MALT1: variants seen among roughly 807,000 people sequenced by gnomAD.
MALT1 encodes the protein mucosa-associated lymphoid tissue lymphoma translocation protein 1.
In MALT1, 36 loss-of-function variants were observed where a neutral mutation model predicts 85.5. That is an observed-to-expected ratio of 0.42 (90% CI 0.32 to 0.56). The LOEUF is 0.56. MALT1 is among the 20% of genes least tolerant of loss of function. The pLI is 0.10. For synonymous variants in MALT1, 359 were observed against 361.3 expected, an observed-to-expected ratio of 0.99 and a Z score of 0.07; for missense variants, 716 against 981.6, an observed-to-expected ratio of 0.73 and a Z score of 3.62.
chr18:58,673,195 G>A (rs2054192054), intron 1 of MALT1, among the ~76,000 whole-genome samples: 1 of 152,120 alleles, frequency 6.6e-6, no homozygotes, highest in Non-Finnish European at 1.5e-5. Context: ...ATTCAAAATG[G>A]TATTTATTAA....
At position 58,681,282 on chromosome 18, in the gene MALT1, G is replaced by T; in HGVS notation, c.322G>T (p.Asp108Tyr). Reference protein sequence around the residue: ...EKGCTVTELSDFLQAMEHTEV... With the variant: ...EKGCTVTELSYFLQAMEHTEV... ...AGGTTGCACAGTCACAGAATTGAGT[G>T]ATTTCCTGCAGGCTATGGAACACAC... The change falls in exon 2 of 17, where the codon GAT becomes TAT. Residue 108 changes from aspartate to tyrosine, a missense_variant. This residue lies in a region of MALT1 where 290 missense variants were observed against 380.5 expected (regional missense o/e 0.76). Coordinates refer to ENST00000649217, the MANE Select transcript of MALT1 (RefSeq NM_006785.4). 5.6e-6 allele frequency: 9 copies of T among 1,614,150 alleles called. No homozygotes were observed. The highest frequency in any genetic ancestry group is 7.6e-6 in the Non-Finnish European group (9 of 1,179,998).
At chr18:58,678,361 G>A (rs2054271516) in intron 1 of MALT1, among the ~76,000 whole-genome samples, 1 of 152,206 alleles carries the variant, frequency 6.6e-6, no homozygotes. Context: ...TTTCAGCCTT[G>A]ACAATTATGA....
At position 58,700,549 on chromosome 18, in the gene MALT1, T is replaced by C. The variant is rs2054656749; in HGVS notation, c.607T>C (p.Trp203Arg). The change falls in exon 4 of 17, where the codon TGG (tryptophan) becomes CGG (arginine). Residue 203 changes from tryptophan (W) to arginine (R), a missense_variant. Trp to Arg is a moderately radical substitution (Grantham distance 101). Around this residue, in one of 4 missense-constraint regions of MALT1, gnomAD observed 290 missense variants for 380.5 expected, o/e 0.76. Coordinates refer to ENST00000649217, the MANE Select transcript of MALT1 (RefSeq NM_006785.4). ...CAATTTCACCTTTGAATTCAGCCAG[T>C]GGTCACAGCTGGATGTTTGCGACAT... ...NNNFTFEFSQ[W>R]SQLDVCDIPE... 1 of 1,612,528 alleles carries C rather than the reference T, an allele frequency of 6.2e-7. No homozygotes were observed.
In MALT1 at chr18:58,671,624, C is replaced by T. The variant is rs1166657583; in HGVS notation, c.-20C>T. ...GGGGCGGGCGGGAGCCCCGGCAGTC[C>T]GGGGTCGCCGGCGAGGGCCATGTCG... On this transcript the variant is annotated 5_prime_UTR_variant, in exon 1 of 17. Coordinates refer to ENST00000649217, the MANE Select transcript of MALT1 (RefSeq NM_006785.4). 3.3e-6 allele frequency: 4 copies of T among 1,211,208 alleles called. No homozygotes were observed. Among genetic ancestry groups the T allele is most frequent in the South Asian group, 8.3e-5 (2 of 24,110 alleles). 75.0% of individuals were successfully genotyped at this position (1,211,208 alleles called of 1,614,324 possible).
chr18:58,715,139 T>C (rs1568141723), intron 8 of MALT1, among the ~76,000 whole-genome samples: 1 of 152,170 alleles, frequency 6.6e-6, no homozygotes, highest in Non-Finnish European at 1.5e-5. Context: ...AGTAATTGTT[T>C]CTCTTACTGG....
chr18:58,735,347 G>C lies in MALT1; in HGVS notation c.1603+18G>C, dbSNP rs1296733743. On this transcript the variant is annotated intron_variant, in intron 13 of 16. Coordinates refer to ENST00000649217, the MANE Select transcript of MALT1 (RefSeq NM_006785.4). ...TGCAGAAGGTAAAATAAAAAATAAA[G>C]AGAAAAGTACTCAGAAAAAGGAGAG... is the stretch of plus-strand genomic sequence containing the variant. The C allele has an allele frequency of 6.3e-7, 1 of 1,586,172 alleles. No homozygotes were observed. The highest frequency in any genetic ancestry group is 1.2e-5 in the South Asian group (1 of 85,442).
intron 9 of MALT1, among the ~76,000 whole-genome samples, chr18:58,722,312 T>C (rs2054996021): frequency 6.6e-6 from 1 of 152,082 alleles, no homozygotes; most frequent in South Asian, 2.1e-4. Flanking sequence ...ATACAGATCT[T>C]TTTTTCTCTT....
In MALT1 at chr18:58,749,879, G is replaced by A. The variant is rs1392690912; in HGVS notation, c.*2037G>A. The A allele has an allele frequency of 4.7e-6, 1 of 211,184 alleles. No individual in the cohort carries two copies. The highest frequency in any genetic ancestry group is 9.6e-6 in the Non-Finnish European group (1 of 104,062). 13.1% of individuals were successfully genotyped at this position (211,184 alleles called of 1,614,324 possible). A position where few individuals can be genotyped will look rare whatever the true frequency, so the allele number is the denominator to read the frequency against. ...CATGGTGATAGACTGAAGGCTGAAT[G>A]TTTTCCCCTTAAGATTGGGAAGAAG... On this transcript the variant is annotated 3_prime_UTR_variant, in exon 17 of 17. Transcript: ENST00000649217.
intron 2 of MALT1, among the ~76,000 whole-genome samples, chr18:58,687,177 A>G (rs1297938340): frequency 6.6e-6 from 1 of 152,212 alleles, no homozygotes; most frequent in African/African-American, 2.4e-5. Context: ...GAAATTGGCA[A>G]TTATTCCTAA....
At chr18:58,694,286 GC>G (rs2054556011) in intron 2 of MALT1, among the ~76,000 whole-genome samples, 1 of 152,052 alleles carries the variant, frequency 6.6e-6, no homozygotes, top group Non-Finnish European at 1.5e-5. Flanking sequence ...TTTTAATTTT[GC>G]TTTTATTTAG....
In MALT1 at chr18:58,671,599, G is replaced by T. The variant is rs1602262985; in HGVS notation, c.-45G>T. ...GTGCCCCGGGGCCGAGGCCCGTGAC[G>T]GGGCGGGCGGGAGCCCCGGCAGTCC... On this transcript the variant is annotated 5_prime_UTR_variant, in exon 1 of 17. Coordinates refer to ENST00000649217, the MANE Select transcript of MALT1 (RefSeq NM_006785.4). 8.5e-7 allele frequency: 1 copy of T among 1,181,332 alleles called. No homozygotes were observed. The highest frequency in any genetic ancestry group is 4.3e-5 in the South Asian group (1 of 23,146). 73.2% of individuals were successfully genotyped at this position (1,181,332 alleles called of 1,614,324 possible).
At chr18:58,723,972 C>T (rs987592156) in intron 10 of MALT1, among the ~76,000 whole-genome samples, 71 of 152,314 alleles carry the variant, frequency 4.7e-4, no homozygotes, top group African/African-American at 1.5e-3. Context: ...TTGAGCTCAT[C>T]TGAACCGTGT....
At chr18:58,710,851 TTTGC>T in intron 6 of MALT1, 66 bp from the exon 7 acceptor site, 1 of 1,004,836 alleles carries the variant, frequency 1.0e-6, no homozygotes, top group Non-Finnish European at 1.5e-6. Flanking sequence ...TTGATCTCTA[TTTGC>T]TTGACGGCTG....
At position 58,710,025 on chromosome 18, in the gene MALT1, A is replaced by C. The variant is rs1445398673; in HGVS notation, c.878A>C (p.Tyr293Ser). 1 of 1,612,858 alleles carries C rather than the reference A, an allele frequency of 6.2e-7. No homozygotes were observed. Among genetic ancestry groups the C allele is most frequent in the Non-Finnish European group, 8.5e-7 (1 of 1,179,286 alleles). ...CAAGGAACCTACTGGTGTCATGTATATAATGATCGAGACAGTCAAGATAGC... is the reference window on the plus strand; with the variant it reads ...CAAGGAACCTACTGGTGTCATGTATCTAATGATCGAGACAGTCAAGATAGC... ...EHQGTYWCHV[Y>S]NDRDSQDSKK... Residue 293 changes from tyrosine (Y) to serine (S), a missense_variant, in exon 6 of 17, where the codon TAT becomes TCT. By Grantham distance (144) the Tyr-to-Ser change is moderately radical (BLOSUM62 -2). This residue lies in a region of MALT1 where 290 missense variants were observed against 380.5 expected (regional missense o/e 0.76). Coordinates refer to ENST00000649217, the MANE Select transcript of MALT1 (RefSeq NM_006785.4).
At chr18:58,745,435 T>G (rs1353802917) in intron 15 of MALT1, among the ~76,000 whole-genome samples, 1 of 152,166 alleles carries the variant, frequency 6.6e-6, no homozygotes, top group African/African-American at 2.4e-5. Flanking sequence ...AGGAAGCTCT[T>G]TCAGAGCTCA....
intron 10 of MALT1, among the ~76,000 whole-genome samples, chr18:58,727,261 A>G (rs549801734): frequency 3.2e-5 from 4 of 126,406 alleles, no homozygotes; most frequent in East Asian, 4.7e-4. Flanking sequence ...TTAAGGGTCT[A>G]CCTAAGGTTT....
chr18:58,743,791 A>C (rs567264569), intron 14 of MALT1, among the ~76,000 whole-genome samples: 1 of 152,334 alleles, frequency 6.6e-6, no homozygotes, highest in East Asian at 1.9e-4. Context: ...CAAATGTTTT[A>C]AAAATTAATA....
intron 1 of MALT1, among the ~76,000 whole-genome samples, chr18:58,674,324 G>A (rs562700589): frequency 2.0e-5 from 3 of 152,200 alleles, no homozygotes; most frequent in Non-Finnish European, 4.4e-5. Flanking sequence ...CCACTTTTCT[G>A]TGGAGTCACA....
intron 1 of MALT1, among the ~76,000 whole-genome samples, chr18:58,677,275 G>C (rs2054254729): frequency 6.8e-6 from 1 of 147,782 alleles, no homozygotes; most frequent in Non-Finnish European, 1.5e-5. Context: ...TTTGATCTTT[G>C]TTCTTTTGGG....
Sources: gnomAD v4.1 joint callset for allele counts (sites outside exome capture counted in the v4.1 genomes callset) on GRCh38, gnomAD v4.1.1 for gene constraint, gnomAD v4.1.1 regional missense constraint, MANE v1.5 for transcripts, NCBI Gene and HGNC (gene_info 2026-07-23, HGNC 2026-07-21) for gene names.